Variants in PHACTR1 observed in about 807,000 individuals in gnomAD.
The protein encoded by PHACTR1 is phosphatase and actin regulator 1.
Under a neutral mutation model 69.2 loss-of-function variants are expected in PHACTR1, and 16 were observed. The observed-to-expected ratio is 0.23, with a 90% CI of 0.16 to 0.35. The LOEUF is 0.35. PHACTR1 is among the 10% of genes least tolerant of loss of function. PHACTR1 has a pLI of 1.00. For synonymous variants in PHACTR1, 312 were observed against 284.5 expected, an observed-to-expected ratio of 1.10 and a Z score of -0.97; for missense variants, 510 against 734.7, an observed-to-expected ratio of 0.69 and a Z score of 3.54.
chr6:12,845,422 ACCACCCACC>A (rs1188814526), intron 4 of PHACTR1, among the ~76,000 whole-genome samples: 17 of 12,826 alleles, frequency 1.3e-3, no homozygotes, highest in African/African-American at 4.5e-3. Context: ...CATTGTGAAC[ACCACCCACC>A]CCCCCCCCCC....
At chr6:13,254,255 TA>T (rs58021858) in intron 10 of PHACTR1, among the ~76,000 whole-genome samples, 22,999 of 150,908 alleles carry the variant, frequency 0.15, 2,265 homozygotes, top group Admixed American at 0.26. Flanking sequence ...AAAATAAATT[TA>T]AAAAAAAACC....
At chr6:12,973,916 ATTTTTTT>A (rs33948457) in intron 4 of PHACTR1, among the ~76,000 whole-genome samples, 3 of 92,866 alleles carry the variant, frequency 3.2e-5, no homozygotes, top group African/African-American at 1.3e-4. Flanking sequence ...AGAGGCTGGG[ATTTTTTT>A]TTTTTTTTTT....
intron 4 of PHACTR1, among the ~76,000 whole-genome samples, chr6:12,941,616 A>G (rs984245386): frequency 2.6e-5 from 4 of 152,222 alleles, no homozygotes; most frequent in African/African-American, 9.6e-5. Flanking sequence ...TTCAGTAAGT[A>G]GGAGCCAAAC....
At chr6:13,018,572 T>G (rs1399223488) in intron 4 of PHACTR1, among the ~76,000 whole-genome samples, 2 of 152,218 alleles carry the variant, frequency 1.3e-5, no homozygotes, top group Admixed American at 1.3e-4. Flanking sequence ...CCTGCTATAC[T>G]GTGCTGCTCT....
intron 4 of PHACTR1, among the ~76,000 whole-genome samples, chr6:12,996,305 T>A (rs1310171941): frequency 2.0e-5 from 3 of 152,100 alleles, no homozygotes; most frequent in Non-Finnish European, 4.4e-5. Context: ...TTTGAAAATG[T>A]TAATAAAATA....
chr6:13,168,174 C>T (rs1342703291), intron 6 of PHACTR1, among the ~76,000 whole-genome samples: 2 of 152,202 alleles, frequency 1.3e-5, no homozygotes, highest in Non-Finnish European at 2.9e-5. Flanking sequence ...AGAGTGTTTA[C>T]TTTCAGCATC....
intron 4 of PHACTR1, among the ~76,000 whole-genome samples, chr6:12,799,273 G>C (rs901277536): frequency 6.6e-6 from 1 of 152,110 alleles, no homozygotes; most frequent in African/African-American, 2.4e-5. Context: ...TACAAGGCGA[G>C]GTCATACATC....
At chr6:12,788,646 A>C (rs1291705298) in intron 4 of PHACTR1, among the ~76,000 whole-genome samples, 1 of 152,240 alleles carries the variant, frequency 6.6e-6, no homozygotes, top group Non-Finnish European at 1.5e-5. Flanking sequence ...AAGGATATCC[A>C]TAAATCTGAC....
chr6:13,182,089 C>T (rs528045429), intron 6 of PHACTR1, among the ~76,000 whole-genome samples: 15 of 151,992 alleles, frequency 9.9e-5, no homozygotes, highest in East Asian at 3.9e-4. Context: ...CAAAATTAGC[C>T]GGGTGTGGTG....
In PHACTR1 at chr6:13,283,962, C is replaced by T. The variant is rs577377209; in HGVS notation, c.1650+400C>T. On this transcript the variant is annotated intron_variant, in intron 13 of 14. Coordinates refer to ENST00000332995, the MANE Select transcript of PHACTR1 (RefSeq NM_030948.6). The surrounding 1 kb of genome is among the most constrained non-coding windows in gnomAD (Gnocchi z 4.7). Reference sequence around the variant, plus strand: ...AAACCAAAAGAGAAGACAAAGTAGACGCATAACCCCAGGAGGGAAATAGGG... The same window carrying T: ...AAACCAAAAGAGAAGACAAAGTAGATGCATAACCCCAGGAGGGAAATAGGG... 2.5e-5 allele frequency: 5 copies of T among 200,874 alleles called. No individual in the cohort carries two copies. Among genetic ancestry groups the T allele is most frequent in the South Asian group, 1.7e-4 (2 of 11,476 alleles). 12.4% of individuals were successfully genotyped at this position (200,874 alleles called of 1,614,324 possible).
intron 4 of PHACTR1, among the ~76,000 whole-genome samples, chr6:12,976,664 T>C (rs1794914568): frequency 6.6e-6 from 1 of 152,192 alleles, no homozygotes; most frequent in Admixed American, 6.5e-5. Flanking sequence ...TCCGTTCTGA[T>C]ATTGTGATGA....
rs541254061 is a variant in PHACTR1, at chr6:12,894,238, G to T, written c.250+144448G>T. The stretch of plus-strand genomic sequence containing the variant: ...CAAATAATAAGAAAAAAGCCTAGGA[G>T]AATTAATGTAATTATTTTTCACTAC... On this transcript the variant is annotated intron_variant, in intron 4 of 14. Transcript: ENST00000332995. 6.6e-5 allele frequency among the ~76,000 whole-genome samples: 10 copies of T among 152,346 alleles called. No individual in the cohort carries two copies. In the South Asian group the frequency reaches 1.7e-3, roughly 25 times the overall value.
At chr6:12,779,503 GA>G (rs1479029817) in intron 4 of PHACTR1, among the ~76,000 whole-genome samples, 1 of 151,530 alleles carries the variant, frequency 6.6e-6, no homozygotes, top group Non-Finnish European at 1.5e-5. Flanking sequence ...TTTCCCTTGG[GA>G]AAATATTCCT....
At chr6:13,128,751 TC>T (rs1220242907) in intron 5 of PHACTR1, among the ~76,000 whole-genome samples, 11 of 152,124 alleles carry the variant, frequency 7.2e-5, no homozygotes, top group Admixed American at 3.3e-4. Flanking sequence ...GAGGAAAACT[TC>T]CCTGGCCTTG....
At chr6:12,964,498 G>A (rs1212057334) in intron 4 of PHACTR1, among the ~76,000 whole-genome samples, 1 of 152,184 alleles carries the variant, frequency 6.6e-6, no homozygotes, top group Non-Finnish European at 1.5e-5. Context: ...AAAGTAAGTG[G>A]AATGCCAATT....
At chr6:12,927,402 T>G (rs965822766) in intron 4 of PHACTR1, among the ~76,000 whole-genome samples, 2 of 151,510 alleles carry the variant, frequency 1.3e-5, no homozygotes, top group African/African-American at 4.9e-5. Context: ...TTTGGAAGAT[T>G]AACAACAACA....
At chr6:12,779,701 G>A (rs950857012) in intron 4 of PHACTR1, among the ~76,000 whole-genome samples, 3 of 151,926 alleles carry the variant, frequency 2.0e-5, no homozygotes, top group African/African-American at 7.3e-5. Flanking sequence ...TCTGTTTATC[G>A]AAACGGCTAT....
intron 5 of PHACTR1, among the ~76,000 whole-genome samples, chr6:13,123,172 G>C (rs1356948791): frequency 6.6e-6 from 1 of 152,208 alleles, no homozygotes; most frequent in Non-Finnish European, 1.5e-5. Context: ...CCTAAAGCCA[G>C]CTCAGCCTGT....
At chr6:12,829,375 T>C (rs1777160022) in intron 4 of PHACTR1, among the ~76,000 whole-genome samples, 1 of 152,210 alleles carries the variant, frequency 6.6e-6, no homozygotes, top group African/African-American at 2.4e-5. Context: ...TTAGGTTTCA[T>C]AGAGGAGAAG....
Sources: allele counts gnomAD v4.1 joint callset (sites outside exome capture counted in the v4.1 genomes callset), GRCh38; gene constraint gnomAD v4.1.1; non-coding constraint Gnocchi (gnomAD v3.1); transcripts MANE v1.5; gene names NCBI Gene and HGNC (gene_info 2026-07-23, HGNC 2026-07-21).